SAMMSON: variants seen among roughly 807,000 people sequenced by gnomAD.
The protein encoded by SAMMSON is survival associated mitochondrial melanoma specific oncogenic non-coding RNA.
chr3:70,044,714 C>T (rs977840816), intron 3 of SAMMSON, among the ~76,000 whole-genome samples: 1 of 151,360 alleles, frequency 6.6e-6, no homozygotes, highest in East Asian at 1.9e-4. Flanking sequence ...GGAAGTTCTT[C>T]TAAGCAATAT....
At chr3:70,354,691 G>A (rs1292436532) in intron 8 of SAMMSON, among the ~76,000 whole-genome samples, 1 of 152,200 alleles carries the variant, frequency 6.6e-6, no homozygotes, top group East Asian at 1.9e-4. Context: ...CCTCTAGCTG[G>A]ACAGTGCCTG....
At chr3:70,350,860 T>A (rs534577266) in intron 7 of SAMMSON, among the ~76,000 whole-genome samples, 1 of 152,106 alleles carries the variant, frequency 6.6e-6, no homozygotes. Flanking sequence ...GGAGGTGACA[T>A]TGAGTTGAGA....
chr3:70,172,871 T>C (rs1700970727), intron 4 of SAMMSON: 1 of 152,028 alleles, frequency 6.6e-6, no homozygotes, highest in Non-Finnish European at 1.5e-5. Flanking sequence ...GAGATACATG[T>C]TCCATAATAG....
rs148431030 is a variant in SAMMSON at position 70,241,865 on chromosome 3, A to T, written n.508-7242A>T. Among the ~76,000 whole-genome samples the T allele has an allele frequency of 1.4e-4, 21 of 152,334 alleles. No individual in the cohort carries two copies. In the East Asian group the frequency reaches 4.1e-3, roughly 29 times the overall value. ...TTTGCTCAAGCTCACACAGTGTGTAAGTAGTAGAGATGGGCTTAGAACGAA... is the reference window on the plus strand; with the variant it reads ...TTTGCTCAAGCTCACACAGTGTGTATGTAGTAGAGATGGGCTTAGAACGAA... On this transcript the variant is annotated intron_variant and non_coding_transcript_variant, in intron 4 of 9. Coordinates refer to ENST00000642114, the Ensembl canonical transcript of SAMMSON.
At chr3:70,305,830 A>C (rs1244619671) in intron 7 of SAMMSON, among the ~76,000 whole-genome samples, 2 of 152,214 alleles carry the variant, frequency 1.3e-5, no homozygotes, top group Non-Finnish European at 2.9e-5. Flanking sequence ...TTGAACACAA[A>C]CATGAAAGTT....
At chr3:70,276,457 T>C (rs1702027479) in intron 6 of SAMMSON, among the ~76,000 whole-genome samples, 1 of 152,230 alleles carries the variant, frequency 6.6e-6, no homozygotes, top group African/African-American at 2.4e-5. Context: ...CTCATTATTT[T>C]TTTAGGATAA....
chr3:70,183,704 C>T (rs1701071268), intron 4 of SAMMSON: 1 of 152,180 alleles, frequency 6.6e-6, no homozygotes, highest in South Asian at 2.1e-4. Flanking sequence ...CTAGTCATCA[C>T]ATAGTGGCAT....
intron 3 of SAMMSON, among the ~76,000 whole-genome samples, chr3:70,070,733 A>T (rs184767572): frequency 6.6e-6 from 1 of 152,034 alleles, no homozygotes; most frequent in Non-Finnish European, 1.5e-5. Context: ...TGATTTTTCT[A>T]TGTATTTCTG....
At chr3:70,134,271 A>T (rs1425991217) in intron 4 of SAMMSON, among the ~76,000 whole-genome samples, 10 of 151,596 alleles carry the variant, frequency 6.6e-5, no homozygotes, top group South Asian at 2.1e-4. Flanking sequence ...AAAAAAAAAA[A>T]ATATTAAATG....
intron 4 of SAMMSON, among the ~76,000 whole-genome samples, chr3:70,142,158 G>A (rs1393770448): frequency 6.6e-6 from 1 of 152,108 alleles, no homozygotes; most frequent in Admixed American, 6.6e-5. Context: ...ACTACCATTT[G>A]ATTCAGCTAT....
chr3:70,404,086 C>G (rs373563450), intron 2 of SAMMSON, among the ~76,000 whole-genome samples: 7 of 151,908 alleles, frequency 4.6e-5, no homozygotes, highest in African/African-American at 1.4e-4. Flanking sequence ...GTTTTTGATT[C>G]TGTTTAAAAT....
Position 70,174,253 on chromosome 3 carries a change from A to G in SAMMSON, n.508-74854A>G, listed in dbSNP as rs751708376. Among the ~76,000 whole-genome samples, 19 of 152,140 alleles carry G rather than the reference A, an allele frequency of 1.2e-4. 1 individual carries two copies. The highest frequency in any genetic ancestry group is 7.7e-4 in the East Asian group (4 of 5,166). On this transcript the variant is annotated intron_variant and non_coding_transcript_variant, in intron 4 of 9. Coordinates refer to ENST00000642114, the Ensembl canonical transcript of SAMMSON. ...GGTATGAAGCACGGTGAGAACAAAA[A>G]TTGTTTGTACTAGGAAACTGTATTA... is the stretch of plus-strand genomic sequence containing the variant.
chr3:70,347,977 A>T (rs917753679), intron 7 of SAMMSON, among the ~76,000 whole-genome samples: 4 of 152,152 alleles, frequency 2.6e-5, no homozygotes, highest in Non-Finnish European at 2.9e-5. Context: ...CAGGAGGCGG[A>T]GGTTACAGTG....
At chr3:70,242,955 A>G (rs949507134) in intron 4 of SAMMSON, among the ~76,000 whole-genome samples, 1 of 152,194 alleles carries the variant, frequency 6.6e-6, no homozygotes, top group Admixed American at 6.5e-5. Context: ...GACTTTAAAA[A>G]AATTGCCCCA....
chr3:70,391,417 C>A (rs1701047379), downstream of SAMMSON, among the ~76,000 whole-genome samples: 1 of 151,940 alleles, frequency 6.6e-6, no homozygotes, highest in Non-Finnish European at 1.5e-5. Flanking sequence ...TTCATGTTGG[C>A]ACCTATTTTC....
At chr3:70,188,896 A>G (rs1217585812) in intron 4 of SAMMSON, among the ~76,000 whole-genome samples, 1 of 152,146 alleles carries the variant, frequency 6.6e-6, no homozygotes, top group East Asian at 1.9e-4. Flanking sequence ...TTTTTCTGCT[A>G]TTACAAAGCT....
chr3:70,299,693 A>T (rs891185421), intron 7 of SAMMSON, among the ~76,000 whole-genome samples: 3 of 151,914 alleles, frequency 2.0e-5, no homozygotes, highest in Non-Finnish European at 4.4e-5. Flanking sequence ...CTAACTAGTC[A>T]CTCTGGTTTC....
intron 2 of SAMMSON, among the ~76,000 whole-genome samples, chr3:70,427,703 G>C (rs553928291): frequency 1.4e-5 from 2 of 144,572 alleles, no homozygotes; most frequent in Non-Finnish European, 3.0e-5. Context: ...GCGCCACTGC[G>C]CTCCAGCCTG....
chr3:70,024,078 C>A (rs1206323928), intron 3 of SAMMSON, among the ~76,000 whole-genome samples: 2 of 152,138 alleles, frequency 1.3e-5, no homozygotes, highest in East Asian at 3.9e-4. Context: ...ACTAGCAGGT[C>A]TACGCAATTC....
Sources: allele counts gnomAD v4.1 joint callset (sites outside exome capture counted in the v4.1 genomes callset), GRCh38; gene constraint gnomAD v4.1.1; transcripts MANE v1.5; gene names NCBI Gene and HGNC (gene_info 2026-07-23, HGNC 2026-07-21).